PIGB: variants seen among roughly 807,000 people sequenced by gnomAD.
The protein encoded by PIGB is phosphatidylinositol glycan anchor biosynthesis class B.
A neutral mutation model predicts 68.4 loss-of-function variants in PIGB; 58 were observed. That is an observed-to-expected ratio of 0.85 (90% CI 0.69 to 1.06). The LOEUF (loss-of-function observed/expected upper bound fraction) is 1.06, where lower values mean the gene tolerates loss of function less well. Among genes scored for constraint, PIGB ranks in the 50% least tolerant of loss-of-function variants. The pLI is 0.00. For synonymous variants in PIGB, 219 were observed against 220.5 expected (o/e 0.99, Z 0.06); for missense variants, 634 against 655.8 (o/e 0.97, Z 0.36).
intron 5 of PIGB, among the ~76,000 whole-genome samples, chr15:55,331,407 C>T (rs150345920): frequency 2.1e-4 from 32 of 152,150 alleles, no homozygotes; most frequent in African/African-American, 7.5e-4. Context: ...ACATTTTGCA[C>T]ACTCCTTTAA....
chr15:55,338,647 T>TA lies in PIGB; in HGVS notation c.795-612dup, dbSNP rs1370298994. On this transcript the variant is annotated intron_variant, in intron 6 of 11. Transcript: ENST00000164305. ...GGGTGACAGAGCAAGACCCTGTCTC[T>TA]AAAAAAAAGAAAAGAATACATAAAT... 1.3e-4 allele frequency among the ~76,000 whole-genome samples: 19 copies of TA among 151,740 alleles called. No homozygotes were observed. In the East Asian group the frequency reaches 2.7e-3, roughly 22 times the overall value.
intron 3 of PIGB, among the ~76,000 whole-genome samples, chr15:55,322,808 C>T (rs543414429): frequency 2.0e-5 from 3 of 152,244 alleles, no homozygotes; most frequent in South Asian, 2.1e-4. Flanking sequence ...ATTTAGGAGC[C>T]GCAACCTGGC....
At chr15:55,326,285 T>C (rs1221939946) in intron 3 of PIGB, among the ~76,000 whole-genome samples, 1 of 151,938 alleles carries the variant, frequency 6.6e-6, no homozygotes, top group Non-Finnish European at 1.5e-5. Context: ...TAATATTATC[T>C]TATTATCTAT....
intron 3 of PIGB, among the ~76,000 whole-genome samples, chr15:55,327,327 T>G (rs2055316038): frequency 6.6e-6 from 1 of 151,238 alleles, no homozygotes; most frequent in Non-Finnish European, 1.5e-5. Flanking sequence ...AAAACTACAT[T>G]GATTATTTTA....
At chr15:55,354,708 C>A in intron 10 of PIGB, 90 bp from the exon 11 acceptor site, 1 of 974,018 alleles carries the variant, frequency 1.0e-6, no homozygotes. Context: ...TCAGATTTCA[C>A]ATTTTGCTAA....
intron 8 of PIGB, among the ~76,000 whole-genome samples, 161 bp downstream of exon 8, chr15:55,340,984 A>T (rs2055657778): frequency 6.6e-6 from 1 of 152,086 alleles, no homozygotes; most frequent in Non-Finnish European, 1.5e-5. Flanking sequence ...GAGGCACTAG[A>T]GTGAATACTT....
intron 3 of PIGB, among the ~76,000 whole-genome samples, chr15:55,327,241 A>G (rs2055313203): frequency 6.8e-6 from 1 of 146,930 alleles, no homozygotes; most frequent in African/African-American, 2.5e-5. Flanking sequence ...TATATTTATA[A>G]TATATTTTAT....
In PIGB at chr15:55,345,963, C is replaced by T. The variant is rs984228943; in HGVS notation, c.1123+4161C>T. Among the ~76,000 whole-genome samples the T allele has an allele frequency of 2.6e-5, 4 of 152,014 alleles. No homozygotes were observed. The South Asian group carries it at 6.2e-4, about 24-fold the overall frequency. The stretch of plus-strand genomic sequence containing the variant: ...TAGAAACAGTAACTCAGATATCTCT[C>T]TAATTGGTAAAATGTGGTAGGGATT... On this transcript the variant is annotated intron_variant, in intron 9 of 11. Transcript: ENST00000164305.
Position 55,333,961 on chromosome 15 carries a change from G to C in PIGB, c.748G>C (p.Glu250Gln). The change falls in exon 6 of 12, where the codon GAA (glutamate) becomes CAA (glutamine). Residue 250 changes from glutamate to glutamine, a missense_variant. Physicochemically the swap from Glu to Gln is conservative, Grantham distance 29. Transcript: ENST00000164305. ...TPLLFRHFCQ[E>Q]PRKLDLILHH... is the part of the protein sequence containing the mutation. ...TTTGCTCTTCAGACATTTCTGTCAA[G>C]AACCAAGAAAGCTTGATCTTATTCT... 1 of 1,607,290 alleles carries C rather than the reference G, an allele frequency of 6.2e-7. No individual in the cohort carries two copies. Among genetic ancestry groups the C allele is most frequent in the Non-Finnish European group, 8.5e-7 (1 of 1,177,186 alleles).
intron 10 of PIGB, chr15:55,354,588 A>G: frequency 2.0e-6 from 1 of 501,054 alleles, no homozygotes; most frequent in East Asian, 3.6e-5. Flanking sequence ...CTTATAGGTT[A>G]TACTGCTGCT....
At chr15:55,334,912 G>C (rs1361301626) in intron 6 of PIGB, among the ~76,000 whole-genome samples, 9 of 152,128 alleles carry the variant, frequency 5.9e-5, no homozygotes, top group Non-Finnish European at 8.8e-5. Flanking sequence ...TCGAGTTGGG[G>C]TTTCACCATG....
intron 9 of PIGB, among the ~76,000 whole-genome samples, chr15:55,342,663 G>T (rs2055698224): frequency 6.6e-6 from 1 of 152,218 alleles, no homozygotes; most frequent in Non-Finnish European, 1.5e-5. Flanking sequence ...AAAGTGCTGG[G>T]ATTGCAGGCG....
chr15:55,320,224 G>C (rs930895721), intron 1 of PIGB, 51 bp from the exon 2 acceptor site: 1 of 1,576,136 alleles, frequency 6.3e-7, no homozygotes, highest in African/African-American at 1.4e-5. Flanking sequence ...TTTTGCAAGT[G>C]GAACTGCCTG....
In PIGB at chr15:55,341,796, TTCTGTGG is replaced by T; in HGVS notation, c.1119_1123+2del. On this transcript the variant is annotated splice_donor_variant and coding_sequence_variant, in exon 9 of 12. Coordinates refer to ENST00000164305, the MANE Select transcript of PIGB (RefSeq NM_004855.5). LOFTEE classifies it high-confidence loss of function. Reference sequence around the variant, plus strand: ...TCCAGTTTTACCATTCTGTATGGTGTTCTGTGGTAAGTGCTTTTGTTTGTTATAGAAA... The same window carrying T: ...TCCAGTTTTACCATTCTGTATGGTGTTAAGTGCTTTTGTTTGTTATAGAAA... 7.0e-7 allele frequency: 1 copy of T among 1,432,166 alleles called. No individual in the cohort carries two copies. Among genetic ancestry groups the T allele is most frequent in the Non-Finnish European group, 9.3e-7 (1 of 1,071,050 alleles). The allele number at this position is 1,432,166 out of a possible 1,614,324, so 88.7% of individuals were successfully genotyped here.
chr15:55,321,183 G>T, intron 2 of PIGB, 90 bp from the exon 3 acceptor site: 1 of 1,211,512 alleles, frequency 8.3e-7, no homozygotes, highest in Non-Finnish European at 1.1e-6. Flanking sequence ...AGACCAGCCT[G>T]GGCAAGAGAG....
chr15:55,337,043 A>G (rs2055553277), intron 6 of PIGB, among the ~76,000 whole-genome samples: 1 of 152,216 alleles, frequency 6.6e-6, no homozygotes, highest in Admixed American at 6.5e-5. Context: ...AATCTATAAG[A>G]AAAAGATAAC....
At chr15:55,334,884 T>C (rs1351103669) in intron 6 of PIGB, among the ~76,000 whole-genome samples, 1 of 152,204 alleles carries the variant, frequency 6.6e-6, no homozygotes. Context: ...CACGCCTGGC[T>C]AATTTTTTTA....
rs370111101 is a variant in PIGB at position 55,340,668 on chromosome 15, A to C, written c.903A>C (p.Thr301=). 5.9e-5 allele frequency: 95 copies of C among 1,613,010 alleles called. No homozygotes were observed. In the East Asian group the frequency reaches 1.1e-3, roughly 18 times the overall value. ...TTAACGTGCTGCAGAACTGGGGAAC[A>C]TTTTATGGTTCTCATCCATGGCACT... ...LKFNVLQNWG[T]FYGSHPWHWY... Residue 301 remains threonine, a synonymous_variant, in exon 8 of 12, where the codon ACA becomes ACC. Transcript: ENST00000164305.
intron 9 of PIGB, chr15:55,350,362 C>T (rs1369754435): frequency 3.8e-6 from 1 of 263,654 alleles, no homozygotes; most frequent in African/African-American, 2.2e-5. Flanking sequence ...AGGGCAGTCA[C>T]TGGACATTTT....
Sources: allele counts gnomAD v4.1 joint callset (sites outside exome capture counted in the v4.1 genomes callset), GRCh38; gene constraint gnomAD v4.1.1; transcripts MANE v1.5; gene names NCBI Gene and HGNC (gene_info 2026-07-23, HGNC 2026-07-21).